HTATIP2: variants seen among roughly 807,000 people sequenced by gnomAD.
HTATIP2 encodes protein HTATIP2.
A neutral mutation model predicts 24.7 loss-of-function variants in HTATIP2; 26 were observed. The observed-to-expected ratio is 1.05, with a 90% CI of 0.77 to 1.46. The LOEUF is 1.46. HTATIP2 is among the 40% of genes most tolerant of loss of function. The pLI is 0.00. For missense variants in HTATIP2, 284 were observed against 289.6 expected (o/e 0.98, Z 0.14); for synonymous variants, 99 against 113.2 (o/e 0.87, Z 0.79).
chr11:20,373,615 AC>A (rs1439812023), intron 2 of HTATIP2, among the ~76,000 whole-genome samples: 12 of 152,024 alleles, frequency 7.9e-5, no homozygotes, highest in Admixed American at 2.6e-4. Context: ...AACAACAACA[AC>A]AAAAAAACTG....
chr11:20,370,740 C>G (rs2064764427), intron 2 of HTATIP2, among the ~76,000 whole-genome samples: 1 of 152,198 alleles, frequency 6.6e-6, no homozygotes, highest in South Asian at 2.1e-4. Flanking sequence ...AGCTCCGCCT[C>G]CTGGGTTCAC....
rs115952677 is a variant in HTATIP2 at position 20,363,979 on chromosome 11, T to G, written c.-259T>G. ...TGGCCGGGCCGGGGATACCGTGGGG[T>G]ATGCCCAGTGATGCCAGCAGCTTGT... On this transcript the variant is annotated 5_prime_UTR_variant, in exon 1 of 5. Transcript: ENST00000451739. The G allele has an allele frequency of 5.3e-3, 6,670 of 1,252,400 alleles. 294 individuals are homozygous for G. In the African/African-American group the frequency reaches 0.093, roughly 17 times the overall value. The allele number at this position is 1,252,400 out of a possible 1,614,324, so 77.6% of individuals were successfully genotyped here.
chr11:20,366,940 C>A (rs1592317707), intron 1 of HTATIP2, among the ~76,000 whole-genome samples: 1 of 152,280 alleles, frequency 6.6e-6, no homozygotes, highest in Non-Finnish European at 1.5e-5. Context: ...AACCTGACTT[C>A]AGAAATCTGG....
chr11:20,372,413 C>G (rs1325698669), intron 2 of HTATIP2, among the ~76,000 whole-genome samples: 1 of 152,214 alleles, frequency 6.6e-6, no homozygotes, highest in Non-Finnish European at 1.5e-5. Context: ...TTTAGTAAGA[C>G]TTAAGAGTCG....
At chr11:20,374,011 G>C (rs1205896726) in intron 2 of HTATIP2, among the ~76,000 whole-genome samples, 1 of 152,218 alleles carries the variant, frequency 6.6e-6, no homozygotes, top group Non-Finnish European at 1.5e-5. Flanking sequence ...TGACTCGTGA[G>C]TAAAGAGGTA....
At position 20,383,239 on chromosome 11, in the gene HTATIP2, T is replaced by A. The variant is rs750729301; in HGVS notation, c.*34T>A. 1.2e-5 allele frequency: 18 copies of A among 1,500,294 alleles called. No homozygotes were observed. The highest frequency in any genetic ancestry group is 1.3e-5 in the Non-Finnish European group (14 of 1,087,228). 92.9% of individuals were successfully genotyped at this position (1,500,294 alleles called of 1,614,324 possible). Reference sequence around the variant, plus strand: ...GAGAAATGGTTTTTATTGTCAACCTTAACACCCATCACCAAATCGGTAATT... The same window carrying A: ...GAGAAATGGTTTTTATTGTCAACCTAAACACCCATCACCAAATCGGTAATT... On this transcript the variant is annotated 3_prime_UTR_variant, in exon 5 of 5. Transcript: ENST00000451739.
In HTATIP2 at chr11:20,363,872, C is replaced by T. The variant is rs570203154; in HGVS notation, c.-366C>T. Reference sequence around the variant, plus strand: ...GGCTGCTCTGGCGGCCGCCCTGCTCCTGCTGCGTCGTGAGGACCCGGGGCC... The same window carrying T: ...GGCTGCTCTGGCGGCCGCCCTGCTCTTGCTGCGTCGTGAGGACCCGGGGCC... On this transcript the variant is annotated 5_prime_UTR_variant, in exon 1 of 5. Coordinates refer to ENST00000451739, the MANE Select transcript of HTATIP2 (RefSeq NM_001098522.2). 72 of 1,244,630 alleles carry T rather than the reference C, an allele frequency of 5.8e-5. No individual in the cohort carries two copies. The African/African-American group carries it at 1.0e-3, about 18-fold the overall frequency. The allele number at this position is 1,244,630 out of a possible 1,614,324, so 77.1% of individuals were successfully genotyped here. A position where few individuals can be genotyped will look rare whatever the true frequency, so the allele number is the denominator to read the frequency against.
At chr11:20,382,581 T>G (rs932798146) in intron 4 of HTATIP2, among the ~76,000 whole-genome samples, 33 of 152,128 alleles carry the variant, frequency 2.2e-4, no homozygotes, top group African/African-American at 7.5e-4. Context: ...GAAATTTTTT[T>G]TCACGCAGTC....
intron 2 of HTATIP2, among the ~76,000 whole-genome samples, chr11:20,372,241 C>T (rs889732879): frequency 3.3e-5 from 5 of 152,212 alleles, no homozygotes; most frequent in African/African-American, 9.6e-5. Context: ...CCGTGCCTGA[C>T]CCCATGACCT....
intron 2 of HTATIP2, 91 bp from the exon 3 acceptor site, chr11:20,376,489 A>C: frequency 2.2e-6 from 3 of 1,385,086 alleles, no homozygotes; most frequent in Non-Finnish European, 3.1e-6. Flanking sequence ...CCATCCTTCT[A>C]GGCCTCCCAG....
chr11:20,368,854 G>A (rs915541178), intron 2 of HTATIP2, among the ~76,000 whole-genome samples: 3 of 152,136 alleles, frequency 2.0e-5, no homozygotes, highest in Non-Finnish European at 4.4e-5. Context: ...TAATGGGGTT[G>A]GTTCTTCACG....
chr11:20,369,317 A>G (rs554175497), intron 2 of HTATIP2, among the ~76,000 whole-genome samples: 1 of 152,314 alleles, frequency 6.6e-6, no homozygotes, highest in East Asian at 1.9e-4. Context: ...ACGCTTCACT[A>G]GGGATTTTGT....
At chr11:20,382,930 T>G in intron 4 of HTATIP2, 50 bp from the exon 5 acceptor site, 1 of 1,426,754 alleles carries the variant, frequency 7.0e-7, no homozygotes, top group Non-Finnish European at 9.5e-7. Context: ...CAGTGCAATT[T>G]ACCACCTCTT....
chr11:20,374,555 C>T (rs1014173165), intron 2 of HTATIP2, among the ~76,000 whole-genome samples: 1 of 152,186 alleles, frequency 6.6e-6, no homozygotes, highest in Non-Finnish European at 1.5e-5. Context: ...AATGTGGTAG[C>T]TGAGCCCTTC....
chr11:20,376,628 C>A lies in HTATIP2; in HGVS notation c.352C>A (p.Leu118Met), dbSNP rs1175944469. The change falls in exon 3 of 5, where the codon CTG becomes ATG. Residue 118 changes from leucine to methionine, a missense_variant. Coordinates refer to ENST00000451739, the MANE Select transcript of HTATIP2 (RefSeq NM_001098522.2). ...AGATTATGTGCTGAAGTCTGCAGAG[C>A]TGGCAAAAGCTGGAGGGTGCAAACA... Reference protein sequence around the residue: ...DRDYVLKSAELAKAGGCKHFN... With the variant: ...DRDYVLKSAEMAKAGGCKHFN... 2.5e-6 allele frequency: 4 copies of A among 1,613,998 alleles called. No homozygotes were observed. Among genetic ancestry groups the A allele is most frequent in the South Asian group, 2.2e-5 (2 of 91,074 alleles).
At chr11:20,380,671 CAAA>C (rs35392320) in intron 3 of HTATIP2, among the ~76,000 whole-genome samples, 3 of 81,868 alleles carry the variant, frequency 3.7e-5, no homozygotes, top group Admixed American at 1.6e-4. Context: ...GACTCCATCT[CAAA>C]AAAAAAAAAA....
intron 2 of HTATIP2, among the ~76,000 whole-genome samples, chr11:20,372,465 A>G (rs2133270318): frequency 6.6e-6 from 1 of 152,218 alleles, no homozygotes; most frequent in East Asian, 1.9e-4. Context: ...GCCTATGAGG[A>G]TATCTCTACT....
At position 20,383,249 on chromosome 11, in the gene HTATIP2, C is replaced by T; in HGVS notation, c.*44C>T. On this transcript the variant is annotated 3_prime_UTR_variant, in exon 5 of 5. Transcript: ENST00000451739. ...TTTTATTGTCAACCTTAACACCCATCACCAAATCGGTAATTTCAGGGTCTA... is the reference window on the plus strand; with the variant it reads ...TTTTATTGTCAACCTTAACACCCATTACCAAATCGGTAATTTCAGGGTCTA... 1 of 1,435,500 alleles carries T rather than the reference C, an allele frequency of 7.0e-7. No individual in the cohort carries two copies. Among genetic ancestry groups the T allele is most frequent in the South Asian group, 1.2e-5 (1 of 82,790 alleles). The allele number at this position is 1,435,500 out of a possible 1,614,324, so 88.9% of individuals were successfully genotyped here.
In HTATIP2 at chr11:20,364,143, C is replaced by A; in HGVS notation, c.-95C>A. 1 of 1,491,012 alleles carries A rather than the reference C, an allele frequency of 6.7e-7. No individual in the cohort carries two copies. The highest frequency in any genetic ancestry group is 2.3e-5 in the East Asian group (1 of 42,650). 92.4% of individuals were successfully genotyped at this position (1,491,012 alleles called of 1,614,324 possible). A position where few individuals can be genotyped will look rare whatever the true frequency, so the allele number is the denominator to read the frequency against. On this transcript the variant is annotated 5_prime_UTR_variant, in exon 1 of 5. Transcript: ENST00000451739. The stretch of plus-strand genomic sequence containing the variant: ...CCGGACTGCGGAGAACAATATCCTC[C>A]TCCCTAACAGATAAACAGCCCTTGT...
Sources: allele counts gnomAD v4.1 joint callset (sites outside exome capture counted in the v4.1 genomes callset), GRCh38; gene constraint gnomAD v4.1.1; transcripts MANE v1.5; gene names NCBI Gene and HGNC (gene_info 2026-07-23, HGNC 2026-07-21).